The following NFIL3 variants were observed in gnomAD, a reference collection of about 807,000 sequenced individuals.
The protein encoded by NFIL3 is nuclear factor, interleukin 3 regulated.
NFIL3 carries 5 observed loss-of-function variants against 10.0 expected under a neutral mutation model. The ratio of observed to expected loss-of-function variants is 0.50; its 90% confidence interval spans 0.26 to 1.06. The LOEUF (loss-of-function observed/expected upper bound fraction) is 1.06. Among genes scored for constraint, NFIL3 ranks in the 50% least tolerant of loss-of-function variants. The pLI, the probability that NFIL3 is intolerant of heterozygous loss-of-function variation, is 0.13. For synonymous variants in NFIL3, 202 were observed against 206.5 expected, an observed-to-expected ratio of 0.98 and a Z score of 0.19; for missense variants, 436 against 547.6, an observed-to-expected ratio of 0.80 and a Z score of 2.03.
At chr9:91,449,720 T>C in the NFIL3 span, among the ~76,000 whole-genome samples, 1 of 152,104 alleles carries the variant, frequency 6.6e-6, no homozygotes, top group Non-Finnish European at 1.5e-5. Context: ...GCTGACCTTA[T>C]AGAATTAGTT....
At chr9:91,426,518 G>C (rs1414283480), upstream of NFIL3, 3 of 152,204 alleles carry the variant, frequency 2.0e-5, no homozygotes, top group Non-Finnish European at 4.4e-5. Context: ...GTGGAGCTGG[G>C]CTGTAAGGTT....
At position 91,413,940 on chromosome 9, in the gene NFIL3, T is replaced by C. The variant is rs576992711; in HGVS notation, c.-172-3034A>G. ...AAAAATCAGATTCCTTTATTTTGCCTCACTTACTAGATTTACAGTAATGCT... is the reference window on the plus strand; with the variant it reads ...AAAAATCAGATTCCTTTATTTTGCCCCACTTACTAGATTTACAGTAATGCT... On this transcript the variant is annotated intron_variant, in intron 1 of 1. Coordinates refer to ENST00000297689, the MANE Select transcript of NFIL3 (RefSeq NM_005384.3). Among the ~76,000 whole-genome samples, 15 of 152,276 alleles carry C rather than the reference T, an allele frequency of 9.9e-5. No individual in the cohort carries two copies. In the South Asian group the frequency reaches 3.1e-3, roughly 32 times the overall value.
chr9:91,446,714 C>T, the NFIL3 span, among the ~76,000 whole-genome samples: 1,006 of 152,214 alleles, frequency 6.6e-3, 9 homozygotes, highest in African/African-American at 0.022. Context: ...ATACAATATA[C>T]GTGCTCTTGT....
chr9:91,450,853 T>C, the NFIL3 span, among the ~76,000 whole-genome samples: 5 of 152,210 alleles, frequency 3.3e-5, no homozygotes, highest in African/African-American at 1.2e-4. Flanking sequence ...CCTTCAATTT[T>C]GTAAATCCTA....
At chr9:91,456,115 C>T in the NFIL3 span, among the ~76,000 whole-genome samples, 1 of 152,006 alleles carries the variant, frequency 6.6e-6, no homozygotes, top group Non-Finnish European at 1.5e-5. Context: ...TCGTTTATTC[C>T]TTTTTATTGT....
At chr9:91,455,744 T>C in the NFIL3 span, among the ~76,000 whole-genome samples, 1 of 152,154 alleles carries the variant, frequency 6.6e-6, no homozygotes, top group Non-Finnish European at 1.5e-5. Flanking sequence ...TGTGACACCA[T>C]CACCACATTC....
In NFIL3 at chr9:91,409,544, G is replaced by A; in HGVS notation, c.1191C>T (p.His397=). The A allele has an allele frequency of 5.6e-6, 9 of 1,613,866 alleles. No homozygotes were observed. Among genetic ancestry groups the A allele is most frequent in the Non-Finnish European group, 7.6e-6 (9 of 1,179,908 alleles). ...NIQDWSLKSE[H]WHQKELSGKT... is the part of the protein sequence containing the mutation. Reference sequence around the variant, plus strand: ...TGCCACTCAGTTCTTTTTGATGCCAGTGCTCCGATTTGAGAGACCAATCTT... The same window carrying A: ...TGCCACTCAGTTCTTTTTGATGCCAATGCTCCGATTTGAGAGACCAATCTT... The change falls in exon 2 of 2, where the codon CAC becomes CAT. Residue 397 remains histidine, a synonymous_variant. Coordinates refer to ENST00000297689, the MANE Select transcript of NFIL3 (RefSeq NM_005384.3).
chr9:91,427,611 A>C (rs1197029387), upstream of NFIL3, among the ~76,000 whole-genome samples: 1 of 133,474 alleles, frequency 7.5e-6, no homozygotes, highest in African/African-American at 3.0e-5. Flanking sequence ...AATCCATAGC[A>C]TACCGTTTTT....
At chr9:91,414,403 A>G (rs953870109) in intron 1 of NFIL3, among the ~76,000 whole-genome samples, 2 of 152,088 alleles carry the variant, frequency 1.3e-5, no homozygotes, top group African/African-American at 4.8e-5. Context: ...GGGTTTCTCC[A>G]TGTTAGTAGA....
At chr9:91,454,952 T>G in the NFIL3 span, among the ~76,000 whole-genome samples, 3 of 152,226 alleles carry the variant, frequency 2.0e-5, no homozygotes, top group Admixed American at 1.3e-4. Flanking sequence ...GTCTACTATG[T>G]GTTAAATGTT....
At chr9:91,481,887 C>T in the NFIL3 span, among the ~76,000 whole-genome samples, 7 of 152,056 alleles carry the variant, frequency 4.6e-5, no homozygotes, top group African/African-American at 9.6e-5. Context: ...TAATTACTAA[C>T]GATCAATAAA....
the NFIL3 span, among the ~76,000 whole-genome samples, chr9:91,469,470 C>G: frequency 6.6e-6 from 1 of 152,194 alleles, no homozygotes; most frequent in Admixed American, 6.5e-5. Context: ...ATCATGTCAT[C>G]TGCAAACAAG....
chr9:91,436,250 C>A, the NFIL3 span, among the ~76,000 whole-genome samples: 1 of 152,182 alleles, frequency 6.6e-6, no homozygotes, highest in Non-Finnish European at 1.5e-5. Context: ...CCTGCATGAT[C>A]TCCATTTCTT....
chr9:91,441,938 A>G, the NFIL3 span, among the ~76,000 whole-genome samples: 184 of 151,876 alleles, frequency 1.2e-3, no homozygotes, highest in African/African-American at 4.0e-3. Context: ...GCACCATTAT[A>G]GTGTTGGAGT....
chr9:91,432,112 G>T, the NFIL3 span, among the ~76,000 whole-genome samples: 1 of 152,172 alleles, frequency 6.6e-6, no homozygotes, highest in Admixed American at 6.5e-5. Context: ...TTTCCCAGGG[G>T]CTACCGGGGC....
At chr9:91,477,537 A>G in the NFIL3 span, among the ~76,000 whole-genome samples, 1 of 152,188 alleles carries the variant, frequency 6.6e-6, no homozygotes, top group Non-Finnish European at 1.5e-5. Context: ...TCCACTCACC[A>G]CAACTTCTAA....
the NFIL3 span, among the ~76,000 whole-genome samples, chr9:91,429,296 C>T: frequency 6.6e-6 from 1 of 152,176 alleles, no homozygotes; most frequent in Non-Finnish European, 1.5e-5. Context: ...CTCTGAATGT[C>T]CATTCCTTCA....
intron 1 of NFIL3, among the ~76,000 whole-genome samples, chr9:91,414,800 G>C (rs1458381701): frequency 6.6e-6 from 1 of 152,196 alleles, no homozygotes; most frequent in African/African-American, 2.4e-5. Context: ...TACACTGTGT[G>C]TGTTTCCACG....
chr9:91,436,621 A>ACAAC, the NFIL3 span, among the ~76,000 whole-genome samples: 6 of 133,624 alleles, frequency 4.5e-5, no homozygotes, highest in Non-Finnish European at 9.6e-5. Context: ...AACAACAACA[A>ACAAC]AGAGTTGAAG....
Sources: gnomAD v4.1 joint callset for allele counts (sites outside exome capture counted in the v4.1 genomes callset) on GRCh38, gnomAD v4.1.1 for gene constraint, MANE v1.5 for transcripts, NCBI Gene and HGNC (gene_info 2026-07-23, HGNC 2026-07-21) for gene names.